Variants in EYS observed in about 807,000 individuals in gnomAD.
EYS encodes EGF-like photoreceptor maintenance factor.
A neutral mutation model predicts 282.1 loss-of-function variants in EYS; 250 were observed. The observed-to-expected ratio is 0.89, with a 90% CI of 0.80 to 0.98. The LOEUF (loss-of-function observed/expected upper bound fraction) is 0.98, where lower values mean the gene tolerates loss of function less well. Ranked by LOEUF, EYS falls within the 50% of genes least tolerant of loss-of-function variation. The pLI is 0.00. For synonymous variants in EYS, 1,355 were observed against 1,282.9 expected (o/e 1.06, Z -1.20); for missense variants, 4,016 against 3,709.0 (o/e 1.08, Z -2.15).
At chr6:64,780,616 T>C (rs953902547) in intron 22 of EYS, among the ~76,000 whole-genome samples, 19 of 152,090 alleles carry the variant, frequency 1.2e-4, no homozygotes, top group African/African-American at 4.6e-4. Flanking sequence ...ACCTCACCAT[T>C]ATGCAATATA....
chr6:65,579,260 A>G (rs939166162), intron 2 of EYS, among the ~76,000 whole-genome samples: 11 of 152,254 alleles, frequency 7.2e-5, no homozygotes, highest in East Asian at 1.9e-4. Flanking sequence ...CATATATTAG[A>G]TTTAGAAACT....
At chr6:65,583,914 A>T (rs933911372) in intron 2 of EYS, among the ~76,000 whole-genome samples, 3 of 151,994 alleles carry the variant, frequency 2.0e-5, no homozygotes, top group African/African-American at 7.2e-5. Context: ...TTATGAACAT[A>T]TTACTTAATG....
intron 36 of EYS, among the ~76,000 whole-genome samples, chr6:63,814,413 A>C (rs902498837): frequency 2.6e-5 from 4 of 152,208 alleles, no homozygotes; most frequent in African/African-American, 9.6e-5. Flanking sequence ...CACAGGTATA[A>C]ACATGAAATA....
intron 41 of EYS, among the ~76,000 whole-genome samples, chr6:63,740,228 T>C (rs1039201986): frequency 6.6e-6 from 1 of 152,148 alleles, no homozygotes; most frequent in African/African-American, 2.4e-5. Context: ...TGGGAGGTGA[T>C]TGAGTCATGG....
intron 22 of EYS, among the ~76,000 whole-genome samples, chr6:64,759,505 AT>A (rs978393319): frequency 9.2e-5 from 14 of 152,202 alleles, no homozygotes; most frequent in African/African-American, 3.4e-4. Context: ...AAATCATCCT[AT>A]TTTTAGGCAA....
intron 14 of EYS, among the ~76,000 whole-genome samples, chr6:64,975,895 G>A (rs1013441393): frequency 6.6e-6 from 1 of 151,428 alleles, no homozygotes; most frequent in African/African-American, 2.4e-5. Context: ...AAAACTGGAG[G>A]CCTATTTTAT....
intron 15 of EYS, among the ~76,000 whole-genome samples, chr6:64,938,846 G>T (rs1348703686): frequency 6.6e-6 from 1 of 151,476 alleles, no homozygotes; most frequent in African/African-American, 2.4e-5. Context: ...GTAAGTTAAG[G>T]GATATGTGTA....
At chr6:64,389,924 C>A (rs569081994) in intron 28 of EYS, among the ~76,000 whole-genome samples, 1 of 151,692 alleles carries the variant, frequency 6.6e-6, no homozygotes, top group Non-Finnish European at 1.5e-5. Flanking sequence ...GCACACCGTG[C>A]GCCAGCCGAA....
intron 11 of EYS, among the ~76,000 whole-genome samples, chr6:65,306,988 G>GT (rs754271080): frequency 2.9e-5 from 4 of 138,100 alleles, no homozygotes; most frequent in Non-Finnish European, 6.3e-5. Context: ...TGCGTCTAGA[G>GT]TAAGTTTTTC....
At chr6:64,601,563 C>T (rs922167313) in intron 24 of EYS, among the ~76,000 whole-genome samples, 1 of 152,024 alleles carries the variant, frequency 6.6e-6, no homozygotes, top group Non-Finnish European at 1.5e-5. Context: ...TCTGAATTTG[C>T]TTTGCCACAA....
intron 30 of EYS, among the ~76,000 whole-genome samples, chr6:64,272,272 A>G (rs1007162693): frequency 1.3e-5 from 2 of 152,126 alleles, no homozygotes; most frequent in South Asian, 2.1e-4. Context: ...TAGCCTGTTT[A>G]CATTTAAGGT....
At chr6:64,739,050 T>C (rs1338092133) in intron 22 of EYS, among the ~76,000 whole-genome samples, 1 of 152,220 alleles carries the variant, frequency 6.6e-6, no homozygotes, top group Non-Finnish European at 1.5e-5. Context: ...GCCTGTCCAG[T>C]AATTTAACAG....
At chr6:65,387,005 A>T (rs1306699975) in intron 7 of EYS, among the ~76,000 whole-genome samples, 7 of 151,086 alleles carry the variant, frequency 4.6e-5, no homozygotes, top group African/African-American at 9.7e-5. Context: ...AGGAAAAAAA[A>T]TAATGAAAAT....
chr6:65,641,548 G>T (rs1327546600), intron 1 of EYS, among the ~76,000 whole-genome samples: 1 of 152,158 alleles, frequency 6.6e-6, no homozygotes, highest in Admixed American at 6.5e-5. Context: ...CCAGTGTCTT[G>T]TGTAGTTGTC....
chr6:64,292,428 A>AAAT lies in EYS; in HGVS notation c.6191+14539_6191+14541dup, dbSNP rs563620498. Among the ~76,000 whole-genome samples the AAAT allele has an allele frequency of 1.3e-3, 194 of 152,216 alleles. 3 individuals carry two copies. Among genetic ancestry groups the AAAT allele is most frequent in the Admixed American group, 4.5e-3 (69 of 15,282 alleles). ...TAATTGTTCTTCATATGATAAAAGA[A>AAAT]AATAAATTGAGTTGCTAGAGAGCTA... On this transcript the variant is annotated intron_variant, in intron 30 of 42. Transcript: ENST00000503581.
At chr6:64,855,399 T>C (rs78606724) in intron 19 of EYS, among the ~76,000 whole-genome samples, 1 of 152,142 alleles carries the variant, frequency 6.6e-6, no homozygotes, top group South Asian at 2.1e-4. Flanking sequence ...TTTTCTCTAG[T>C]TTTTTTCTTA....
chr6:64,924,890 C>T (rs921642928), intron 15 of EYS, among the ~76,000 whole-genome samples: 2 of 152,276 alleles, frequency 1.3e-5, no homozygotes, highest in South Asian at 2.1e-4. Context: ...AAGTTCAAAA[C>T]GTTCCCACAT....
intron 18 of EYS, among the ~76,000 whole-genome samples, chr6:64,895,379 CTAAA>C (rs1183780789): frequency 6.6e-6 from 1 of 151,990 alleles, no homozygotes; most frequent in Non-Finnish European, 1.5e-5. Context: ...TTTGAAAGAC[CTAAA>C]TAAATAGATA....
chr6:65,016,846 GA>G (rs980935095), intron 13 of EYS, among the ~76,000 whole-genome samples: 3 of 152,072 alleles, frequency 2.0e-5, no homozygotes, highest in Non-Finnish European at 2.9e-5. Context: ...AAAGTTCTAT[GA>G]AAAGACAGTC....
Sources: allele counts gnomAD v4.1 joint callset (sites outside exome capture counted in the v4.1 genomes callset), GRCh38; gene constraint gnomAD v4.1.1; transcripts MANE v1.5; gene names NCBI Gene and HGNC (gene_info 2026-07-23, HGNC 2026-07-21).